XAB2: variants seen among roughly 807,000 people sequenced by gnomAD.
The protein encoded by XAB2 is pre-mRNA-splicing factor SYF1.
In XAB2, 57 loss-of-function variants were observed where a neutral mutation model predicts 113.4. The ratio of observed to expected loss-of-function variants is 0.50; its 90% confidence interval spans 0.41 to 0.63. The LOEUF is 0.63. Among genes scored for constraint, XAB2 ranks in the 20% least tolerant of loss-of-function variants. The probability of loss-of-function intolerance (pLI) is 0.00; values close to 1 mark genes in which losing one functional copy is unlikely to be tolerated. For synonymous variants in XAB2, 497 were observed against 498.8 expected (o/e 1.00, Z 0.05); for missense variants, 1,037 against 1,233.3 (o/e 0.84, Z 2.38).
In XAB2 at chr19:7,626,176, T is replaced by G. The variant is rs141060900; in HGVS notation, c.617A>C (p.Asp206Ala). 281 of 1,613,728 alleles carry G rather than the reference T, an allele frequency of 1.7e-4. No homozygotes were observed. The African/African-American group carries it at 2.9e-3, about 17-fold the overall frequency. ...AAQRLATVVN[D>A]ERFVSKAGKS... ...GCCGGCCTTAGACACGAAACGCTCG[T>G]CGTTCACCACGGTGGCCAGGCGCTG... Residue 206 changes from aspartate (D) to alanine (A), a missense_variant, in exon 5 of 19, where the codon GAC becomes GCC. Coordinates refer to ENST00000358368, the MANE Select transcript of XAB2 (RefSeq NM_020196.3).
chr19:7,620,694 G>T (rs375678552), intron 14 of XAB2, 25 bp from the exon 15 acceptor site: 2 of 1,610,680 alleles, frequency 1.2e-6, no homozygotes, highest in Non-Finnish European at 1.7e-6. Flanking sequence ...TGGGGAGGCC[G>T]GGAGTGAGGC....
chr19:7,624,938 C>T lies in XAB2; in HGVS notation c.823-493G>A, dbSNP rs539327091. Among the ~76,000 whole-genome samples, 3 of 152,318 alleles carry T rather than the reference C, an allele frequency of 2.0e-5. No individual in the cohort carries two copies. In the South Asian group the frequency reaches 6.2e-4, roughly 32 times the overall value. On this transcript the variant is annotated intron_variant, in intron 6 of 18. Transcript: ENST00000358368. The surrounding 1 kb of genome is among the most constrained non-coding windows in gnomAD (Gnocchi z 4.2). ...GTCCCCTCTCTCTACCCAGCCCTGA[C>T]GGGTCTTGCCCTGCTGCCTCCGACA... is the stretch of plus-strand genomic sequence containing the variant.
chr19:7,621,090 A>ACCCAGGCCCCCCCCCCCCCCCCCCCCCCC, intron 13 of XAB2, 45 bp downstream of exon 13: 1 of 1,533,016 alleles, frequency 6.5e-7, no homozygotes, highest in Non-Finnish European at 8.8e-7. Flanking sequence ...CCAGTCAGAA[A>ACCCAGGCCCCCCCCCCCCCCCCCCCCCCC]CCCAGCCCGC....
At chr19:7,629,369 C>A in intron 1 of XAB2, 108 bp downstream of exon 1, 2 of 1,367,290 alleles carry the variant, frequency 1.5e-6, no homozygotes, top group South Asian at 1.3e-5. Flanking sequence ...CAGACCTTGG[C>A]CTGGCAGTTT....
Position 7,620,131 on chromosome 19 carries a change from G to A in XAB2, c.2267-56C>T, listed in dbSNP as rs545693034. The A allele has an allele frequency of 1.6e-5, 26 of 1,599,048 alleles. No individual in the cohort carries two copies. The East Asian group carries it at 2.2e-4, about 14-fold the overall frequency. ...CGGGGGCCCCTCCCACACATCGGAC[G>A]TTGCACTATCCCAGTCCCCCAGGTG... is the stretch of plus-strand genomic sequence containing the variant. On this transcript the variant is annotated intron_variant, in intron 16 of 18. Coordinates refer to ENST00000358368, the MANE Select transcript of XAB2 (RefSeq NM_020196.3).
At position 7,622,699 on chromosome 19, in the gene XAB2, GCTGTCC is replaced by G. The variant is rs142393704; in HGVS notation, c.1372-44_1372-39del. ...ACAGTGGCCGGGGAGGCGCTCAGGGGCTGTCCCTGGCCCTTGCCCTACAACCTGCAG... is the reference window on the plus strand; with the variant it reads ...ACAGTGGCCGGGGAGGCGCTCAGGGGCTGGCCCTTGCCCTACAACCTGCAG... On this transcript the variant is annotated intron_variant, in intron 10 of 18. Transcript: ENST00000358368. 7.0e-4 allele frequency: 1,127 copies of G among 1,612,474 alleles called. 16 individuals carry two copies. The East Asian group carries it at 0.023, about 33-fold the overall frequency.
chr19:7,625,857 G>C lies in XAB2; in HGVS notation c.822+23C>G. 3 of 1,581,832 alleles carry C rather than the reference G, an allele frequency of 1.9e-6. No individual in the cohort carries two copies. Among genetic ancestry groups the C allele is most frequent in the Non-Finnish European group, 2.6e-6 (3 of 1,158,866 alleles). On this transcript the variant is annotated intron_variant, in intron 6 of 18. Transcript: ENST00000358368. The surrounding 1 kb of genome is among the most constrained non-coding windows in gnomAD (Gnocchi z 5.2). ...GGAGGGAGACCCCGCCCCGAACCCA[G>C]AGCCCCGTGTGCCAGCATGCACCTT...
In XAB2 at chr19:7,623,705, G is replaced by A. The variant is rs936084754; in HGVS notation, c.1119+26C>T. On this transcript the variant is annotated intron_variant, in intron 8 of 18. Coordinates refer to ENST00000358368, the MANE Select transcript of XAB2 (RefSeq NM_020196.3). The surrounding 1 kb of genome is among the most constrained non-coding windows in gnomAD (Gnocchi z 4.6). Reference sequence around the variant, plus strand: ...TTCTGCAGGAAACTGGCCCTCAGGGGTAGGACTGGGGCAGGCTTCATGTAC... The same window carrying A: ...TTCTGCAGGAAACTGGCCCTCAGGGATAGGACTGGGGCAGGCTTCATGTAC... 1 of 1,564,376 alleles carries A rather than the reference G, an allele frequency of 6.4e-7. No homozygotes were observed. The highest frequency in any genetic ancestry group is 1.8e-5 in the Admixed American group (1 of 54,122).
rs1440332464 is a variant in XAB2 at position 7,620,037 on chromosome 19, TGTC to T, written c.2302_2304del (p.Asp768del). 6.2e-7 allele frequency: 1 copy of T among 1,612,420 alleles called. No individual in the cohort carries two copies. The highest frequency in any genetic ancestry group is 1.1e-5 in the South Asian group (1 of 91,080). ...TCTGCCCGCTGTTCCAGCAGCTTCA[TGTC>T]GTCCATGCCACTCTGCCCAGGGGCC... On this transcript the variant is annotated inframe_deletion, in exon 17 of 19. Coordinates refer to ENST00000358368, the MANE Select transcript of XAB2 (RefSeq NM_020196.3).
Position 7,623,879 on chromosome 19 carries a change from T to A in XAB2, c.971A>T (p.Asp324Val). Reference protein sequence around the residue: ...ASELGREEEDDVDLELRLARF... With the variant: ...ASELGREEEDVVDLELRLARF... ...GGCCAGGCGCAGCTCCAGGTCCACA[T>A]CATCTGGGAGCCGCGAACATGTTTG... is the stretch of plus-strand genomic sequence containing the variant. The change falls in exon 8 of 19, where the codon GAT becomes GTT. Residue 324 changes from aspartate to valine, a missense_variant. By Grantham distance (152) the Asp-to-Val change is radical. Transcript: ENST00000358368. This position sits in a 1 kb window ranked among gnomAD's most constrained non-coding sequence, Gnocchi z 4.6. 6.3e-7 allele frequency: 1 copy of A among 1,576,408 alleles called. No homozygotes were observed. Among genetic ancestry groups the A allele is most frequent in the Non-Finnish European group, 8.6e-7 (1 of 1,165,050 alleles).
At position 7,621,460 on chromosome 19, in the gene XAB2, C is replaced by T. The variant is rs2031032606; in HGVS notation, c.1618-163G>A. On this transcript the variant is annotated intron_variant, in intron 12 of 18. Transcript: ENST00000358368. ...CTAATGGCAGTTGTGGGGGTCTGTCCTCTGCACTGTCTCCCTCTGTGAGAA... is the reference window on the plus strand; with the variant it reads ...CTAATGGCAGTTGTGGGGGTCTGTCTTCTGCACTGTCTCCCTCTGTGAGAA... 5 of 716,558 alleles carry T rather than the reference C, an allele frequency of 7.0e-6. No homozygotes were observed. The Admixed American group carries it at 8.0e-5, about 11-fold the overall frequency. The allele number at this position is 716,558 out of a possible 1,614,324, so 44.4% of individuals were successfully genotyped here. A position where few individuals can be genotyped will look rare whatever the true frequency, so the allele number is the denominator to read the frequency against.
chr19:7,623,974 C>T lies in XAB2; in HGVS notation c.968-92G>A. On this transcript the variant is annotated intron_variant, in intron 7 of 18. Coordinates refer to ENST00000358368, the MANE Select transcript of XAB2 (RefSeq NM_020196.3). This position sits in a 1 kb window ranked among gnomAD's most constrained non-coding sequence, Gnocchi z 4.6. ...TCCACTCCCCACCCTCACTCCGCTC[C>T]AGCCCCCAGCCAAGTGCTCTGGGCC... The T allele has an allele frequency of 7.1e-7, 1 of 1,418,058 alleles. No individual in the cohort carries two copies. Among genetic ancestry groups the T allele is most frequent in the South Asian group, 1.4e-5 (1 of 71,424 alleles). 87.8% of individuals were successfully genotyped at this position (1,418,058 alleles called of 1,614,324 possible).
rs762487798 is a variant in XAB2 at position 7,625,899 on chromosome 19, C to A, written c.803G>T (p.Arg268Leu). 1.2e-6 allele frequency: 2 copies of A among 1,609,982 alleles called. No homozygotes were observed. The highest frequency in any genetic ancestry group is 1.7e-6 in the Non-Finnish European group (2 of 1,177,386). The change falls in exon 6 of 19, where the codon CGC (arginine) becomes CTC (leucine). Residue 268 changes from arginine to leucine, a missense_variant. Transcript: ENST00000358368. This position sits in a 1 kb window ranked among gnomAD's most constrained non-coding sequence, Gnocchi z 5.2. ...ATGCACCTTCTCGAAATGGCCGCTG[C>A]GGATGTAGTAGTCGGCGAGAGAACA... ...LWCSLADYYIRSGHFEKARDV... is the reference protein window; with the variant it reads ...LWCSLADYYILSGHFEKARDV...
rs4134829 is a variant in XAB2 at position 7,627,124 on chromosome 19, A to G, written c.522+119T>C. On this transcript the variant is annotated intron_variant, in intron 4 of 18. Transcript: ENST00000358368. This position sits in a 1 kb window ranked among gnomAD's most constrained non-coding sequence, Gnocchi z 4.5. ...TCACGGACAACAACAAAACACATGC[A>G]TCTCCAGGAGCCTCTTCCCACATCC... 3 of 1,153,748 alleles carry G rather than the reference A, an allele frequency of 2.6e-6. No individual in the cohort carries two copies. In the Admixed American group the frequency reaches 6.4e-5, roughly 25 times the overall value. The allele number at this position is 1,153,748 out of a possible 1,614,324, so 71.5% of individuals were successfully genotyped here. A position where few individuals can be genotyped will look rare whatever the true frequency, so the allele number is the denominator to read the frequency against.
chr19:7,624,025 CT>C lies in XAB2; in HGVS notation c.968-144del. The C allele has an allele frequency of 9.1e-7, 1 of 1,104,746 alleles. No individual in the cohort carries two copies. Among genetic ancestry groups the C allele is most frequent in the Non-Finnish European group, 1.3e-6 (1 of 794,650 alleles). 68.4% of individuals were successfully genotyped at this position (1,104,746 alleles called of 1,614,324 possible). On this transcript the variant is annotated intron_variant, in intron 7 of 18. Transcript: ENST00000358368. This position sits in a 1 kb window ranked among gnomAD's most constrained non-coding sequence, Gnocchi z 4.2. ...CTAGACACTCAGCTCGGGTGTCCAC[CT>C]GAGCCCCACCCCCAGCCCCAGGTAC...
rs2031097436 is a variant in XAB2, at chr19:7,624,390, G to C, written c.878C>G (p.Thr293Arg). 2 of 1,614,088 alleles carry C rather than the reference G, an allele frequency of 1.2e-6. No individual in the cohort carries two copies. Among genetic ancestry groups the C allele is most frequent in the South Asian group, 2.2e-5 (2 of 91,092 alleles). ...CTGGGCGTAGCTGTCAAACACCTGT[G>C]TGAAGTCCCGCACGGTCATCACTGT... ...IRTVMTVRDF[T>R]QVFDSYAQFE... is the part of the protein sequence containing the mutation. The change falls in exon 7 of 19, where the codon ACA (threonine) becomes AGA (arginine). Residue 293 changes from threonine (T) to arginine (R), a missense_variant. Coordinates refer to ENST00000358368, the MANE Select transcript of XAB2 (RefSeq NM_020196.3). This position sits in a 1 kb window ranked among gnomAD's most constrained non-coding sequence, Gnocchi z 4.2.
rs745577983 is a variant in XAB2, at chr19:7,619,655, G to T, written c.2507-8C>A. The T allele has an allele frequency of 1.2e-6, 2 of 1,602,932 alleles. No homozygotes were observed. The highest frequency in any genetic ancestry group is 2.2e-5 in the East Asian group (1 of 44,776). ...GCTGCTCCAGCCGAACCTCTGTGGG[G>T]AAGGCGGGAGCCAGTCACCCTCCTG... On this transcript the variant is annotated splice_region_variant and splice_polypyrimidine_tract_variant and intron_variant, in intron 18 of 18. Coordinates refer to ENST00000358368, the MANE Select transcript of XAB2 (RefSeq NM_020196.3).
rs753764753 is a variant in XAB2, at chr19:7,623,193, C to T, written c.1216G>A (p.Glu406Lys). The T allele has an allele frequency of 1.9e-5, 30 of 1,613,744 alleles. No individual in the cohort carries two copies. Among genetic ancestry groups the T allele is most frequent in the Non-Finnish European group, 2.2e-5 (26 of 1,180,042 alleles). The change falls in exon 9 of 19, where the codon GAG (glutamate) becomes AAG (lysine). Residue 406 changes from glutamate to lysine, a missense_variant. Physicochemically the swap from Glu to Lys is moderately conservative, Grantham distance 56 (BLOSUM62 1). Transcript: ENST00000358368. This position sits in a 1 kb window ranked among gnomAD's most constrained non-coding sequence, Gnocchi z 4.6. ...TLWVAFAKFY[E>K]DNGQLDDARV... ...ACATCGTCCAGCTGTCCGTTGTCCT[C>T]ATAAAACTTGGCAAACGCCACCCAC...
rs750639458 is a variant in XAB2 at position 7,622,569 on chromosome 19, G to A, written c.1464C>T (p.Ser488=). The change falls in exon 11 of 19, where the codon TCC becomes TCT. Residue 488 remains serine (S), a synonymous_variant. Transcript: ENST00000358368. ...NRVYKSLKVW[S]MLADLEESLG... is the part of the protein sequence containing the mutation. ...GGCTCTCCTCCAGGTCGGCGAGCATGGACCAGACCTTCAGTGACTTGTACA... is the reference window on the plus strand; with the variant it reads ...GGCTCTCCTCCAGGTCGGCGAGCATAGACCAGACCTTCAGTGACTTGTACA... 6.2e-7 allele frequency: 1 copy of A among 1,613,478 alleles called. No homozygotes were observed. Among genetic ancestry groups the A allele is most frequent in the African/African-American group, 1.3e-5 (1 of 74,944 alleles).
Sources: gnomAD v4.1 joint callset for allele counts (sites outside exome capture counted in the v4.1 genomes callset) on GRCh38, gnomAD v4.1.1 for gene constraint, Gnocchi (gnomAD v3.1) non-coding constraint, MANE v1.5 for transcripts, NCBI Gene and HGNC (gene_info 2026-07-23, HGNC 2026-07-21) for gene names.